The following MTX2 variants were observed in gnomAD, a reference collection of about 807,000 sequenced individuals.
The protein encoded by MTX2 is metaxin-2.
In MTX2, 35 loss-of-function variants were observed where a neutral mutation model predicts 42.3. The ratio of observed to expected loss-of-function variants is 0.83; its 90% confidence interval spans 0.63 to 1.10. MTX2 has a LOEUF of 1.10. Ranked by LOEUF, MTX2 falls within the 50% of genes least tolerant of loss-of-function variation. The pLI is 0.00. For synonymous variants in MTX2, 119 were observed against 100.9 expected, an observed-to-expected ratio of 1.18 and a Z score of -1.08; for missense variants, 307 against 304.1, an observed-to-expected ratio of 1.01 and a Z score of -0.07.
At chr2:176,295,471 A>G (rs1215028419) in intron 1 of MTX2, among the ~76,000 whole-genome samples, 1 of 152,066 alleles carries the variant, frequency 6.6e-6, no homozygotes, top group African/African-American at 2.4e-5. Context: ...ACAGCAAAAT[A>G]TTTTGTTTCA....
intron 3 of MTX2, among the ~76,000 whole-genome samples, chr2:176,316,377 T>G (rs958540068): frequency 5.3e-5 from 8 of 152,046 alleles, no homozygotes. Flanking sequence ...AACCTTGCTC[T>G]TTATTTTATT....
chr2:176,280,818 T>G (rs1693061937), intron 1 of MTX2, among the ~76,000 whole-genome samples: 1 of 152,166 alleles, frequency 6.6e-6, no homozygotes, highest in Non-Finnish European at 1.5e-5. Flanking sequence ...ACATTTAACA[T>G]CAAGAGAAAA....
intron 4 of MTX2, among the ~76,000 whole-genome samples, chr2:176,325,031 T>G (rs973766083): frequency 6.6e-6 from 1 of 151,748 alleles, no homozygotes; most frequent in Non-Finnish European, 1.5e-5. Context: ...TTAGGAAATC[T>G]TTAACTAATC....
chr2:176,337,066 G>C (rs908184425), intron 9 of MTX2, among the ~76,000 whole-genome samples: 4 of 152,050 alleles, frequency 2.6e-5, no homozygotes, highest in African/African-American at 9.7e-5. Context: ...ATTACTTATA[G>C]TACCCAATAC....
chr2:176,310,966 G>C (rs958771058), intron 3 of MTX2, among the ~76,000 whole-genome samples: 3 of 152,184 alleles, frequency 2.0e-5, no homozygotes, highest in African/African-American at 2.4e-5. Context: ...CTATCCTTTG[G>C]AGGAGGAGAG....
rs1207416607 is a variant in MTX2 at position 176,313,388 on chromosome 2, C to CTTTTTTTTTT, written c.136-9992_136-9983dup. Among the ~76,000 whole-genome samples the CTTTTTTTTTT allele has an allele frequency of 6.8e-5, 7 of 103,490 alleles. 1 individual carries two copies. The highest frequency in any genetic ancestry group is 2.8e-4 in the African/African-American group (7 of 25,362). The allele number at this position is 103,490 out of a possible 152,430, so 67.9% of individuals were successfully genotyped here. On this transcript the variant is annotated intron_variant, in intron 3 of 9. Transcript: ENST00000249442. ...AACTTCTTATTGTTCTACACTGATT[C>CTTTTTTTTTT]TTTTTTTTTTTTTTTTTTTTTGGAG...
chr2:176,308,111 A>G (rs7561374), intron 3 of MTX2, among the ~76,000 whole-genome samples: 43,315 of 151,944 alleles, frequency 0.29, 6,769 homozygotes, highest in African/African-American at 0.41. Flanking sequence ...AGCATGAAGC[A>G]CTGTTGAATT....
chr2:176,330,705 G>T (rs764696223), intron 9 of MTX2, 45 bp downstream of exon 9: 2 of 1,317,218 alleles, frequency 1.5e-6, no homozygotes, highest in Non-Finnish European at 1.1e-6. Flanking sequence ...GTACTGTTAG[G>T]TTGCAAATTT....
intron 5 of MTX2, among the ~76,000 whole-genome samples, chr2:176,327,135 G>T (rs1412524717): frequency 6.6e-6 from 1 of 151,034 alleles, no homozygotes; most frequent in Non-Finnish European, 1.5e-5. Context: ...TTAATATCTA[G>T]TCTAAAGAGA....
At chr2:176,317,038 T>A (rs74176563) in intron 3 of MTX2, among the ~76,000 whole-genome samples, 57,069 of 143,844 alleles carry the variant, frequency 0.4, 13,144 homozygotes, top group Admixed American at 0.55. Context: ...GTGTCTTTTT[T>A]AAAAAAAAAA....
chr2:176,308,095 G>A (rs546920065), intron 3 of MTX2, among the ~76,000 whole-genome samples: 14 of 152,126 alleles, frequency 9.2e-5, no homozygotes, highest in Non-Finnish European at 1.3e-4. Context: ...TTTATTGAGA[G>A]TTTTTAGCAT....
rs73036835 is a variant in MTX2, at chr2:176,283,427, C to T, written c.41-13433C>T. ...GAGCATTTTCTACTGTGTTCTCATA[C>T]TCTTAAGGAAATTCTTGACCGTTAC... On this transcript the variant is annotated intron_variant, in intron 1 of 9. Coordinates refer to ENST00000249442, the MANE Select transcript of MTX2 (RefSeq NM_006554.5). Among the ~76,000 whole-genome samples the T allele has an allele frequency of 7.7e-3, 1,170 of 152,232 alleles. 17 individuals are homozygous for T. Among genetic ancestry groups the T allele is most frequent in the African/African-American group, 0.027 (1,131 of 41,534 alleles).
intron 1 of MTX2, among the ~76,000 whole-genome samples, chr2:176,296,429 A>T (rs1277400882): frequency 1.3e-5 from 2 of 152,138 alleles, no homozygotes; most frequent in African/African-American, 4.8e-5. Context: ...TACTTTGTTA[A>T]AAGTTTGCCG....
intron 1 of MTX2, among the ~76,000 whole-genome samples, chr2:176,282,786 C>T (rs978722679): frequency 3.3e-5 from 5 of 151,886 alleles, no homozygotes; most frequent in African/African-American, 1.2e-4. Flanking sequence ...TCACTGCAAC[C>T]TCCATCTCCT....
At position 176,310,877 on chromosome 2, in the gene MTX2, C is replaced by T. The variant is rs541364161; in HGVS notation, c.136-12515C>T. On this transcript the variant is annotated intron_variant, in intron 3 of 9. Coordinates refer to ENST00000249442, the MANE Select transcript of MTX2 (RefSeq NM_006554.5). ...TTATCTTGCAGTAGTTTGTTATTAC[C>T]GACCTTCTGAAGCCTACTTCTGTCA... is the stretch of plus-strand genomic sequence containing the variant. 9.2e-5 allele frequency among the ~76,000 whole-genome samples: 14 copies of T among 152,152 alleles called. No homozygotes were observed. In the East Asian group the frequency reaches 1.2e-3, roughly 13 times the overall value.
chr2:176,300,944 G>A (rs181079068), intron 3 of MTX2, among the ~76,000 whole-genome samples: 2 of 152,180 alleles, frequency 1.3e-5, no homozygotes, highest in East Asian at 1.9e-4. Flanking sequence ...AGAAATACAC[G>A]TATTCAATGT....
intron 3 of MTX2, among the ~76,000 whole-genome samples, chr2:176,298,958 T>C (rs1466097210): frequency 6.6e-6 from 1 of 152,098 alleles, no homozygotes; most frequent in Non-Finnish European, 1.5e-5. Flanking sequence ...CTGATTTCCC[T>C]GCTGAAGCTA....
At chr2:176,317,942 G>A (rs1684485326) in intron 3 of MTX2, among the ~76,000 whole-genome samples, 2 of 152,026 alleles carry the variant, frequency 1.3e-5, no homozygotes, top group African/African-American at 4.8e-5. Flanking sequence ...GTTACTTGGT[G>A]CTTCCAATTT....
intron 3 of MTX2, among the ~76,000 whole-genome samples, chr2:176,316,945 T>C (rs2105433776): frequency 6.6e-6 from 1 of 151,718 alleles, no homozygotes; most frequent in Non-Finnish European, 1.5e-5. Flanking sequence ...TGGTAGACCT[T>C]ACCAAAGTGC....
Sources: allele counts gnomAD v4.1 joint callset (sites outside exome capture counted in the v4.1 genomes callset), GRCh38; gene constraint gnomAD v4.1.1; transcripts MANE v1.5; gene names NCBI Gene and HGNC (gene_info 2026-07-23, HGNC 2026-07-21).